LYRM4: variants seen among roughly 807,000 people sequenced by gnomAD.
LYRM4 encodes LYR motif containing 4.
In LYRM4, 9 loss-of-function variants were observed where a neutral mutation model predicts 11.7. The observed-to-expected ratio is 0.77, with a 90% CI of 0.46 to 1.34. The LOEUF (loss-of-function observed/expected upper bound fraction) is 1.34. Ranked by LOEUF, LYRM4 falls within the 40% of genes most tolerant of loss-of-function variation. The pLI is 0.00. For synonymous variants in LYRM4, 42 were observed against 40.4 expected, an observed-to-expected ratio of 1.04 and a Z score of -0.15; for missense variants, 133 against 112.5, an observed-to-expected ratio of 1.18 and a Z score of -0.82.
chr6:5,113,374 C>T (rs1387137955), intron 2 of LYRM4: 8 of 437,306 alleles, frequency 1.8e-5, no homozygotes, highest in African/African-American at 4.1e-5. Context: ...GCTGAGATCA[C>T]GCCACTGCAC....
intron 2 of LYRM4, among the ~76,000 whole-genome samples, chr6:5,189,588 C>G (rs1489049880): frequency 6.6e-6 from 1 of 152,198 alleles, no homozygotes; most frequent in Non-Finnish European, 1.5e-5. Context: ...CGCAAGGCAC[C>G]ATGAAGCTCT....
At chr6:5,080,477 G>GAA in the LYRM4 span, among the ~76,000 whole-genome samples, 1 of 152,198 alleles carries the variant, frequency 6.6e-6, no homozygotes, top group East Asian at 1.9e-4. Context: ...TGCAATCTGG[G>GAA]TCTGGAAGCT....
At chr6:5,090,300 C>T in the LYRM4 span, among the ~76,000 whole-genome samples, 2 of 152,126 alleles carry the variant, frequency 1.3e-5, no homozygotes, top group South Asian at 2.1e-4. This position sits in a 1 kb window ranked among gnomAD's most constrained non-coding sequence, Gnocchi z 4.8. Context: ...TGAAATGTGT[C>T]CCTATCTAGA....
intron 1 of LYRM4, among the ~76,000 whole-genome samples, chr6:5,245,413 T>C (rs2127762845): frequency 6.6e-6 from 1 of 152,052 alleles, no homozygotes; most frequent in African/African-American, 2.4e-5. Context: ...TGCTTTGCAG[T>C]GTTCTGTCAC....
At chr6:5,199,333 T>C (rs1761251115) in intron 2 of LYRM4, among the ~76,000 whole-genome samples, 1 of 152,188 alleles carries the variant, frequency 6.6e-6, no homozygotes, top group Non-Finnish European at 1.5e-5. Context: ...AGATAGAAAG[T>C]AGACTGATGA....
chr6:5,118,037 G>C (rs757330509), intron 2 of LYRM4, among the ~76,000 whole-genome samples: 2 of 149,508 alleles, frequency 1.3e-5, no homozygotes, highest in Non-Finnish European at 3.0e-5. Flanking sequence ...CACTTTCATG[G>C]GGGCTTTGGA....
the LYRM4 span, among the ~76,000 whole-genome samples, chr6:5,076,184 G>A: frequency 6.6e-6 from 1 of 152,036 alleles, no homozygotes; most frequent in Non-Finnish European, 1.5e-5. Context: ...GGGCTCAAGT[G>A]ATCCACCCGT....
chr6:5,131,055 A>T (rs1436725443), intron 2 of LYRM4, among the ~76,000 whole-genome samples: 1 of 152,236 alleles, frequency 6.6e-6, no homozygotes, highest in Non-Finnish European at 1.5e-5. Flanking sequence ...AAAAGTGGTA[A>T]AGGAAGACTG....
chr6:5,220,126 T>C (rs1387518240), intron 1 of LYRM4, among the ~76,000 whole-genome samples: 3 of 152,170 alleles, frequency 2.0e-5, no homozygotes, highest in African/African-American at 4.8e-5. Context: ...ACAGGTTCTT[T>C]TTACCATTGC....
intron 2 of LYRM4, among the ~76,000 whole-genome samples, chr6:5,171,556 G>A (rs555953614): frequency 3.9e-5 from 6 of 152,300 alleles, no homozygotes; most frequent in African/African-American, 1.4e-4. Flanking sequence ...AGAAAGCCAG[G>A]AAATATTTTT....
downstream of LYRM4, chr6:5,105,722 G>C (rs1762643724): frequency 6.6e-6 from 1 of 152,474 alleles, no homozygotes; most frequent in Admixed American, 6.6e-5. Context: ...GCTGAGGCAG[G>C]AGAATTGCTT....
rs1485300373 is a variant in LYRM4 at position 5,135,482 on chromosome 6, T to C, written c.208-25991A>G. 2.7e-3 allele frequency among the ~76,000 whole-genome samples: 211 copies of C among 79,098 alleles called. 18 individuals carry two copies. Among genetic ancestry groups the C allele is most frequent in the South Asian group, 0.025 (46 of 1,814 alleles). 51.9% of individuals were successfully genotyped at this position (79,098 alleles called of 152,430 possible). A position where few individuals can be genotyped will look rare whatever the true frequency, so the allele number is the denominator to read the frequency against. Reference sequence around the variant, plus strand: ...GACTGTGGAGGGTGCGGATCGCTCCTGGGGCTGTGGAGGGTGCGGTTCACT... The same window carrying C: ...GACTGTGGAGGGTGCGGATCGCTCCCGGGGCTGTGGAGGGTGCGGTTCACT... On this transcript the variant is annotated intron_variant, in intron 2 of 2. Coordinates refer to ENST00000330636, the MANE Select transcript of LYRM4 (RefSeq NM_020408.6).
chr6:5,211,695 G>T (rs1761995537), intron 2 of LYRM4, among the ~76,000 whole-genome samples: 1 of 152,204 alleles, frequency 6.6e-6, no homozygotes, highest in Non-Finnish European at 1.5e-5. Flanking sequence ...CCCCTGAAAA[G>T]CTGATGGGAA....
At position 5,150,392 on chromosome 6, in the gene LYRM4, G is replaced by C. The variant is rs984880590; in HGVS notation, c.208-40901C>G. Among the ~76,000 whole-genome samples the C allele has an allele frequency of 2.6e-5, 4 of 152,120 alleles. No individual in the cohort carries two copies. The South Asian group carries it at 6.2e-4, about 24-fold the overall frequency. ...CAAGGCTGGGGACCTTAGGCCATCA[G>C]ACCTGGGTTCAAGTCCCAGCTTGGC... On this transcript the variant is annotated intron_variant, in intron 2 of 2. Transcript: ENST00000330636.
At chr6:5,166,617 T>C (rs1260161860) in intron 2 of LYRM4, among the ~76,000 whole-genome samples, 1 of 152,170 alleles carries the variant, frequency 6.6e-6, no homozygotes, top group African/African-American at 2.4e-5. Flanking sequence ...CACGTTGGGA[T>C]GTATATTATC....
At position 5,260,706 on chromosome 6, in the gene LYRM4, A is replaced by G. The variant is rs1390810768; in HGVS notation, c.28T>C (p.Leu10=). 1 of 1,553,640 alleles carries G rather than the reference A, an allele frequency of 6.4e-7. No individual in the cohort carries two copies. Among genetic ancestry groups the G allele is most frequent in the South Asian group, 1.2e-5 (1 of 84,676 alleles). The change falls in exon 1 of 3, where the codon TTA becomes CTA. Residue 10 remains leucine, a synonymous_variant. Coordinates refer to ENST00000330636, the MANE Select transcript of LYRM4 (RefSeq NM_020408.6). ...CTCAGCATCGCCCGGTACAGAGATA[A>G]CACTTGTGCGCGACTGGAGGCTGCC... MAASSRAQV[L]SLYRAMLRES...
intron 2 of LYRM4, among the ~76,000 whole-genome samples, chr6:5,161,616 C>A (rs1046454872): frequency 6.6e-6 from 1 of 152,164 alleles, no homozygotes; most frequent in African/African-American, 2.4e-5. Context: ...ATGTAAATAT[C>A]TCAGAGATGT....
chr6:5,091,128 G>T, the LYRM4 span, among the ~76,000 whole-genome samples: 1 of 152,218 alleles, frequency 6.6e-6, no homozygotes, highest in Non-Finnish European at 1.5e-5. Flanking sequence ...TTGCAGTCCA[G>T]CGTTTGTCCA....
chr6:5,200,019 T>C (rs1198623231), intron 2 of LYRM4, among the ~76,000 whole-genome samples: 1 of 152,248 alleles, frequency 6.6e-6, no homozygotes, highest in Non-Finnish European at 1.5e-5. Flanking sequence ...TCTTTCTTGG[T>C]ATATAGGTAT....
Sources: allele counts gnomAD v4.1 joint callset (sites outside exome capture counted in the v4.1 genomes callset), GRCh38; gene constraint gnomAD v4.1.1; non-coding constraint Gnocchi (gnomAD v3.1); transcripts MANE v1.5; gene names NCBI Gene and HGNC (gene_info 2026-07-23, HGNC 2026-07-21).